PITPNC1: variants seen among roughly 807,000 people sequenced by gnomAD.
PITPNC1 encodes cytoplasmic phosphatidylinositol transfer protein 1.
In PITPNC1, 18 loss-of-function variants were observed where a neutral mutation model predicts 44.7. The ratio of observed to expected loss-of-function variants is 0.40; its 90% CI spans 0.28 to 0.60. The LOEUF (loss-of-function observed/expected upper bound fraction) is 0.60. Among genes scored for constraint, PITPNC1 ranks in the 20% least tolerant of loss-of-function variants. The pLI, the probability that PITPNC1 is intolerant of heterozygous loss-of-function variation, is 0.39. For synonymous variants in PITPNC1, 141 were observed against 149.6 expected, an observed-to-expected ratio of 0.94 and a Z score of 0.42; for missense variants, 290 against 418.4, an observed-to-expected ratio of 0.69 and a Z score of 2.68.
In PITPNC1 at chr17:67,394,763, G is replaced by A. The variant is rs536984198; in HGVS notation, c.48+16561G>A. On this transcript the variant is annotated intron_variant, in intron 1 of 8. Transcript: ENST00000581322. ...CAAAATATTAGCCAGGCGTGGTGGCGGGCGCCTGTAGTCCCAGCTACTTGG... is the reference window on the plus strand; with the variant it reads ...CAAAATATTAGCCAGGCGTGGTGGCAGGCGCCTGTAGTCCCAGCTACTTGG... 8.7e-4 allele frequency among the ~76,000 whole-genome samples: 133 copies of A among 152,166 alleles called. 3 individuals are homozygous for A. In the South Asian group the frequency reaches 0.018, roughly 21 times the overall value.
chr17:67,579,994 G>A (rs1473379439), intron 5 of PITPNC1, among the ~76,000 whole-genome samples: 3 of 151,602 alleles, frequency 2.0e-5, no homozygotes, highest in African/African-American at 7.3e-5. Flanking sequence ...CAAAAAGAAA[G>A]TATTGAAAAA....
At chr17:67,413,849 T>G (rs947934764) in intron 1 of PITPNC1, among the ~76,000 whole-genome samples, 2 of 152,118 alleles carry the variant, frequency 1.3e-5, no homozygotes, top group African/African-American at 4.8e-5. Flanking sequence ...TAAGAAAATG[T>G]CATCCAAGAA....
At chr17:67,574,787 A>G (rs12951174) in intron 4 of PITPNC1, among the ~76,000 whole-genome samples, 4,053 of 152,136 alleles carry the variant, frequency 0.027, 86 homozygotes, top group Middle Eastern at 0.044. Flanking sequence ...AGACATCCCA[A>G]GGGGATTATC....
chr17:67,632,796 G>A (rs2041988237), intron 6 of PITPNC1, among the ~76,000 whole-genome samples: 1 of 152,140 alleles, frequency 6.6e-6, no homozygotes, highest in Non-Finnish European at 1.5e-5. Context: ...TCCAACTTCT[G>A]ATCTCAAATG....
At chr17:67,472,273 G>A (rs368226762) in intron 1 of PITPNC1, among the ~76,000 whole-genome samples, 1 of 120,886 alleles carries the variant, frequency 8.3e-6, no homozygotes, top group African/African-American at 3.2e-5. Flanking sequence ...CACATTGGAA[G>A]AAGAATTGTC....
rs141888348 is a variant in PITPNC1, at chr17:67,669,272, T to C, written c.463-236T>C. ...TAGGCAGTAGGTGGGATTACCACCA[T>C]GCCCAGCTAATTTTTGTATTTTTAG... On this transcript the variant is annotated intron_variant, in intron 6 of 8. Coordinates refer to ENST00000581322, the MANE Select transcript of PITPNC1 (RefSeq NM_012417.4). Among the ~76,000 whole-genome samples the C allele has an allele frequency of 9.7e-3, 1,484 of 152,238 alleles. 17 individuals are homozygous for C. The highest frequency in any genetic ancestry group is 0.033 in the African/African-American group (1,356 of 41,552).
chr17:67,691,898 T>C (rs2042933429), intron 8 of PITPNC1, among the ~76,000 whole-genome samples: 1 of 151,848 alleles, frequency 6.6e-6, no homozygotes, highest in South Asian at 2.1e-4. Context: ...GGTTTCAGCC[T>C]CACGGGGCCC....
At chr17:67,540,726 G>T (rs1027611428) in intron 2 of PITPNC1, among the ~76,000 whole-genome samples, 1 of 152,086 alleles carries the variant, frequency 6.6e-6, no homozygotes, top group Admixed American at 6.5e-5. Flanking sequence ...AATAACAAAA[G>T]GTACAGATGA....
At chr17:67,522,251 C>T (rs1373588369) in intron 1 of PITPNC1, among the ~76,000 whole-genome samples, 4 of 151,930 alleles carry the variant, frequency 2.6e-5, no homozygotes, top group Non-Finnish European at 4.4e-5. Flanking sequence ...TTGCAGTGCG[C>T]CGAGATCACA....
chr17:67,416,889 C>T (rs952337660), intron 1 of PITPNC1, among the ~76,000 whole-genome samples: 78 of 149,176 alleles, frequency 5.2e-4, no homozygotes, highest in Admixed American at 2.4e-3. Flanking sequence ...CTCGGCTCAC[C>T]GCAACCTCTG....
intron 5 of PITPNC1, among the ~76,000 whole-genome samples, chr17:67,609,919 A>C (rs2041665369): frequency 6.6e-6 from 1 of 152,120 alleles, no homozygotes; most frequent in Non-Finnish European, 1.5e-5. Context: ...CCATGGCCCT[A>C]GTTAAGGTGT....
intron 1 of PITPNC1, among the ~76,000 whole-genome samples, chr17:67,513,501 A>G (rs917865006): frequency 5.4e-5 from 8 of 147,928 alleles, no homozygotes; most frequent in East Asian, 1.9e-4. Flanking sequence ...ATATATATAT[A>G]TATATATATA....
At chr17:67,500,465 G>A (rs2040010990) in intron 1 of PITPNC1, among the ~76,000 whole-genome samples, 1 of 152,128 alleles carries the variant, frequency 6.6e-6, no homozygotes, top group African/African-American at 2.4e-5. Flanking sequence ...AAGTTGATGA[G>A]TCATTGCCAG....
intron 6 of PITPNC1, among the ~76,000 whole-genome samples, chr17:67,661,168 CAT>C (rs1170201403): frequency 7.9e-5 from 12 of 151,850 alleles, no homozygotes; most frequent in African/African-American, 2.7e-4. Flanking sequence ...CTTAAATTAG[CAT>C]AGTCTTTCCA....
At chr17:67,574,653 A>G (rs970284960) in intron 4 of PITPNC1, among the ~76,000 whole-genome samples, 2 of 152,202 alleles carry the variant, frequency 1.3e-5, no homozygotes, top group East Asian at 3.8e-4. Context: ...GCAGAAGGTT[A>G]TCTTAACATG....
intron 1 of PITPNC1, among the ~76,000 whole-genome samples, chr17:67,520,268 G>A (rs1437262009): frequency 6.6e-6 from 1 of 152,106 alleles, no homozygotes; most frequent in African/African-American, 2.4e-5. Context: ...ATGGGGCTAA[G>A]GTTACAGAGA....
chr17:67,584,291 A>T (rs960836517), intron 5 of PITPNC1, among the ~76,000 whole-genome samples: 1 of 152,198 alleles, frequency 6.6e-6, no homozygotes, highest in African/African-American at 2.4e-5. Flanking sequence ...ATCACCAAGG[A>T]CATTATTTCT....
intron 1 of PITPNC1, among the ~76,000 whole-genome samples, chr17:67,422,942 C>G (rs1358785193): frequency 6.6e-6 from 1 of 151,924 alleles, no homozygotes; most frequent in Non-Finnish European, 1.5e-5. Flanking sequence ...CTCTAACAGA[C>G]TCATCTGAGA....
chr17:67,514,708 C>T (rs1279792559), intron 1 of PITPNC1, among the ~76,000 whole-genome samples: 1 of 152,064 alleles, frequency 6.6e-6, no homozygotes, highest in East Asian at 1.9e-4. Context: ...TGCCTGTAGT[C>T]CCAGCTACTC....
Sources: gnomAD v4.1 joint callset for allele counts (sites outside exome capture counted in the v4.1 genomes callset) on GRCh38, gnomAD v4.1.1 for gene constraint, MANE v1.5 for transcripts, NCBI Gene and HGNC (gene_info 2026-07-23, HGNC 2026-07-21) for gene names.